Variants in SPATA21 observed in about 807,000 individuals in gnomAD.
The protein encoded by SPATA21 is spermatogenesis associated 21.
In SPATA21, 47 loss-of-function variants were observed where a neutral mutation model predicts 54.8. The ratio of observed to expected loss-of-function variants is 0.86; its 90% CI spans 0.68 to 1.09. The LOEUF is 1.09. Among genes scored for constraint, SPATA21 ranks in the 50% least tolerant of loss-of-function variants. The pLI is 0.00. For synonymous variants in SPATA21, 245 were observed against 235.3 expected (o/e 1.04, Z -0.38); for missense variants, 599 against 596.4 (o/e 1.00, Z -0.05).
At chr1:16,403,662 G>A in intron 10 of SPATA21, 65 bp downstream of exon 10, 1 of 1,429,420 alleles carries the variant, frequency 7.0e-7, no homozygotes, top group African/African-American at 1.4e-5. Flanking sequence ...AGTTCTCAGT[G>A]CCAAAATGCT....
chr1:16,433,004 T>C (rs906102326), intron 1 of SPATA21, 80 bp from the exon 2 acceptor site: 1 of 152,250 alleles, frequency 6.6e-6, no homozygotes, highest in African/African-American at 2.4e-5. Flanking sequence ...AGGAACTGGA[T>C]TCAAACCCAG....
chr1:16,405,503 A>C (rs1241464312), intron 7 of SPATA21, among the ~76,000 whole-genome samples: 1 of 143,888 alleles, frequency 6.9e-6, no homozygotes, highest in Non-Finnish European at 1.5e-5. Flanking sequence ...GAAAAAAAAA[A>C]AAAAAAAAAA....
At chr1:16,427,771 G>A in intron 3 of SPATA21, 1 of 1,399,332 alleles carries the variant, frequency 7.1e-7, no homozygotes, top group South Asian at 1.4e-5. Flanking sequence ...AGCTGCCTTG[G>A]CCTGGGAGTT....
Position 16,403,959 on chromosome 1 carries a change from C to A in SPATA21, c.883+9G>T. The A allele has an allele frequency of 6.3e-7, 1 of 1,598,264 alleles. No individual in the cohort carries two copies. Among genetic ancestry groups the A allele is most frequent in the Non-Finnish European group, 8.5e-7 (1 of 1,172,324 alleles). Reference sequence around the variant, plus strand: ...CAGTTCTGACTACGCTGGGCTCATCCCTGCTCACCCACAGAGCAGAAGAAG... The same window carrying A: ...CAGTTCTGACTACGCTGGGCTCATCACTGCTCACCCACAGAGCAGAAGAAG... On this transcript the variant is annotated intron_variant, in intron 9 of 12. Coordinates refer to ENST00000335496, the MANE Select transcript of SPATA21 (RefSeq NM_198546.1).
intron 7 of SPATA21, chr1:16,408,513 G>A (rs2085718946): frequency 5.1e-6 from 5 of 985,840 alleles, no homozygotes; most frequent in Non-Finnish European, 6.0e-6. Flanking sequence ...GCACTGTGCA[G>A]GGCATCTGTC....
chr1:16,406,371 G>T (rs146331302), intron 7 of SPATA21, among the ~76,000 whole-genome samples: 1 of 152,282 alleles, frequency 6.6e-6, no homozygotes, highest in East Asian at 1.9e-4. Context: ...TGAAGATAGG[G>T]CCTTTAAAGA....
chr1:16,411,556 C>A (rs918732188), intron 5 of SPATA21, among the ~76,000 whole-genome samples: 1 of 151,952 alleles, frequency 6.6e-6, no homozygotes, highest in Admixed American at 6.6e-5. Flanking sequence ...TTTGGGAGGG[C>A]GAGGCAGGCG....
intron 3 of SPATA21, among the ~76,000 whole-genome samples, chr1:16,427,264 C>A (rs1246980107): frequency 6.6e-6 from 1 of 151,812 alleles, no homozygotes; most frequent in Non-Finnish European, 1.5e-5. Flanking sequence ...CTCAGTGGGC[C>A]TCGGACCTGG....
intron 11 of SPATA21, chr1:16,400,423 G>A (rs2085408873): frequency 1.8e-6 from 2 of 1,101,552 alleles, no homozygotes; most frequent in South Asian, 3.7e-5. Flanking sequence ...AATAAACAGT[G>A]AGCTGGGATT....
intron 1 of SPATA21, among the ~76,000 whole-genome samples, chr1:16,436,280 G>A (rs927693393): frequency 6.6e-6 from 1 of 152,014 alleles, no homozygotes; most frequent in African/African-American, 2.4e-5. Context: ...CAGCTAGTCA[G>A]GAGGCTGAGG....
chr1:16,425,516 T>C, intron 3 of SPATA21: 2 of 1,548,482 alleles, frequency 1.3e-6, no homozygotes, highest in Non-Finnish European at 1.7e-6. Flanking sequence ...CCAGATCTCC[T>C]AGGTTACCTG....
downstream of SPATA21, chr1:16,397,932 C>T: frequency 1.9e-6 from 1 of 531,708 alleles, no homozygotes; most frequent in Non-Finnish European, 2.4e-6. The surrounding 1 kb of genome is among the most constrained non-coding windows in gnomAD (Gnocchi z 5.4). Context: ...CCTCTGGGGT[C>T]CTGTTTTCTG....
chr1:16,402,818 C>T (rs1043751474), intron 10 of SPATA21, among the ~76,000 whole-genome samples: 1 of 152,078 alleles, frequency 6.6e-6, no homozygotes, highest in Non-Finnish European at 1.5e-5. Flanking sequence ...CCCAGCTACT[C>T]GGGAAACTGA....
At chr1:16,429,766 G>A (rs1002341692) in intron 3 of SPATA21, among the ~76,000 whole-genome samples, 4 of 151,170 alleles carry the variant, frequency 2.6e-5, no homozygotes, top group Non-Finnish European at 4.4e-5. Flanking sequence ...GAGCCACCGC[G>A]CCCGGCTGGC....
chr1:16,404,942 CAG>C, intron 8 of SPATA21, 23 bp downstream of exon 8: 1 of 1,537,076 alleles, frequency 6.5e-7, no homozygotes, highest in East Asian at 2.4e-5. Context: ...GCCTGGGATG[CAG>C]AGTGGAGCCC....
intron 1 of SPATA21, among the ~76,000 whole-genome samples, chr1:16,435,841 A>C (rs1468910129): frequency 6.6e-6 from 1 of 152,004 alleles, no homozygotes. Flanking sequence ...GTTCTTTATA[A>C]ATTCTAGATA....
At chr1:16,427,763 C>A in intron 3 of SPATA21, 2 of 1,317,058 alleles carry the variant, frequency 1.5e-6, no homozygotes, top group Non-Finnish European at 2.0e-6. Context: ...GTGGGTGGAG[C>A]TGCCTTGGCC....
chr1:16,411,837 C>T (rs964279060), intron 5 of SPATA21, among the ~76,000 whole-genome samples: 2 of 151,634 alleles, frequency 1.3e-5, no homozygotes, highest in Non-Finnish European at 2.9e-5. Context: ...CCTGATACCA[C>T]CCCACCCCTG....
chr1:16,400,958 C>G, intron 10 of SPATA21, 66 bp from the exon 11 acceptor site: 2 of 1,545,138 alleles, frequency 1.3e-6, no homozygotes, highest in Non-Finnish European at 1.7e-6. Flanking sequence ...CTCCTCAGCC[C>G]CTATCTCTCT....
Sources: allele counts gnomAD v4.1 joint callset (sites outside exome capture counted in the v4.1 genomes callset), GRCh38; gene constraint gnomAD v4.1.1; non-coding constraint Gnocchi (gnomAD v3.1); transcripts MANE v1.5; gene names NCBI Gene and HGNC (gene_info 2026-07-23, HGNC 2026-07-21).